Variants in TBCE observed in about 807,000 individuals in gnomAD.
TBCE encodes the protein tubulin folding cofactor E.
Under a neutral mutation model 77.0 loss-of-function variants are expected in TBCE, and 53 were observed. That is an observed-to-expected ratio of 0.69 (90% CI 0.55 to 0.87). The LOEUF (loss-of-function observed/expected upper bound fraction) is 0.87. Among genes scored for constraint, TBCE ranks in the 40% least tolerant of loss-of-function variants. The pLI is 0.00. For synonymous variants in TBCE, 235 were observed against 241.3 expected, an observed-to-expected ratio of 0.97 and a Z score of 0.24; for missense variants, 624 against 622.4, an observed-to-expected ratio of 1.00 and a Z score of -0.03.
At chr1:235,372,752 G>A (rs1004526522) in intron 1 of TBCE, among the ~76,000 whole-genome samples, 24 of 151,650 alleles carry the variant, frequency 1.6e-4, no homozygotes, top group Non-Finnish European at 3.2e-4. Context: ...GTGAAACCAC[G>A]TCTCTACTAA....
At chr1:235,399,201 C>T (rs1476161126) in intron 2 of TBCE, among the ~76,000 whole-genome samples, 1 of 151,028 alleles carries the variant, frequency 6.6e-6, no homozygotes, top group Non-Finnish European at 1.5e-5. Context: ...GCAATCCACC[C>T]GCCTTCACCT....
chr1:235,424,322 CTT>C (rs1160280902), intron 5 of TBCE, among the ~76,000 whole-genome samples: 7 of 123,754 alleles, frequency 5.7e-5, no homozygotes, highest in Admixed American at 8.3e-5. Flanking sequence ...TCTTAGAGCT[CTT>C]TTTTTTTTTT....
At chr1:235,440,095 C>T (rs949377640) in intron 13 of TBCE, among the ~76,000 whole-genome samples, 4 of 151,494 alleles carry the variant, frequency 2.6e-5, no homozygotes, top group South Asian at 2.1e-4. Flanking sequence ...CTCAGCCTCC[C>T]GAGTGGCTGG....
Position 235,450,237 on chromosome 1 carries a change from C to T in TBCE, c.*1475C>T. The T allele has an allele frequency of 6.2e-7, 1 of 1,614,140 alleles. No homozygotes were observed. Among genetic ancestry groups the T allele is most frequent in the Non-Finnish European group, 8.5e-7 (1 of 1,180,018 alleles). On this transcript the variant is annotated 3_prime_UTR_variant, in exon 17 of 17. Transcript: ENST00000642610. ...TGCTTGACATCGACAAGGATCACCG[C>T]ACCGTTCCTTCAGTTTCCACAGTTC...
intron 2 of TBCE, among the ~76,000 whole-genome samples, chr1:235,393,755 A>G (rs1016021688): frequency 6.6e-6 from 1 of 152,184 alleles, no homozygotes; most frequent in Admixed American, 6.6e-5. Flanking sequence ...TTTCAGAAGA[A>G]TCATGCTTTT....
chr1:235,440,488 G>A (rs1482556308), intron 13 of TBCE, among the ~76,000 whole-genome samples: 1 of 151,968 alleles, frequency 6.6e-6, no homozygotes. Context: ...TACCTCCTGG[G>A]TTCAAGTGAT....
intron 6 of TBCE, 121 bp from the exon 7 acceptor site, chr1:235,430,580 TTCCA>T: frequency 1.5e-6 from 1 of 675,740 alleles, no homozygotes; most frequent in Non-Finnish European, 2.6e-6. Context: ...TAAAATATAA[TTCCA>T]TTTTAAGATT....
Position 235,430,794 on chromosome 1 carries a change from C to T in TBCE, c.650C>T (p.Thr217Met), listed in dbSNP as rs563482935. Residue 217 changes from threonine (T) to methionine (M), a missense_variant, in exon 7 of 17, where the codon ACG becomes ATG. Transcript: ENST00000642610. ...TTAGTCCTCAATCAAACAGGAATAA[C>T]GTGGGCTGAGGTAATCATATTTCTT... ...KVLVLNQTGI[T>M]WAEVLRCVAG... The T allele has an allele frequency of 7.9e-5, 128 of 1,612,854 alleles. 1 individual carries two copies. The South Asian group carries it at 1.1e-3, about 14-fold the overall frequency.
intron 2 of TBCE, among the ~76,000 whole-genome samples, chr1:235,392,116 G>A (rs561574145): frequency 6.6e-6 from 1 of 151,970 alleles, no homozygotes; most frequent in East Asian, 1.9e-4. Context: ...GAGCTCAGGA[G>A]TTTGAGACCA....
intron 15 of TBCE, among the ~76,000 whole-genome samples, chr1:235,443,336 G>T (rs1371848160): frequency 2.0e-5 from 3 of 152,006 alleles, no homozygotes; most frequent in South Asian, 2.1e-4. Context: ...ACGTAGCTGG[G>T]ACTACACGTG....
At position 235,449,921 on chromosome 1, in the gene TBCE, C is replaced by A; in HGVS notation, c.*1159C>A. 1 of 275,132 alleles carries A rather than the reference C, an allele frequency of 3.6e-6. No individual in the cohort carries two copies. Among genetic ancestry groups the A allele is most frequent in the Non-Finnish European group, 7.0e-6 (1 of 143,142 alleles). The allele number at this position is 275,132 out of a possible 1,614,324, so 17.0% of individuals were successfully genotyped here. ...GGTGAATTACTAATTAGCCACAATG[C>A]ATCAGGATTTAGAAATATTTTTTCT... is the stretch of plus-strand genomic sequence containing the variant. On this transcript the variant is annotated 3_prime_UTR_variant, in exon 17 of 17. Coordinates refer to ENST00000642610, the MANE Select transcript of TBCE (RefSeq NM_003193.5).
At chr1:235,391,303 G>A (rs552650229) in intron 2 of TBCE, among the ~76,000 whole-genome samples, 5 of 151,946 alleles carry the variant, frequency 3.3e-5, no homozygotes, top group African/African-American at 9.6e-5. Flanking sequence ...GCAACATGGC[G>A]AAACCCTGTC....
At chr1:235,407,267 G>C (rs1226306170) in intron 3 of TBCE, among the ~76,000 whole-genome samples, 1 of 147,086 alleles carries the variant, frequency 6.8e-6, no homozygotes, top group Non-Finnish European at 1.5e-5. Flanking sequence ...TGATTTTTTT[G>C]TAGAGATGGA....
chr1:235,435,108 T>G (rs1681358942), intron 8 of TBCE, among the ~76,000 whole-genome samples: 1 of 106,438 alleles, frequency 9.4e-6, no homozygotes, highest in Non-Finnish European at 1.9e-5. Flanking sequence ...TTTTGTTTTG[T>G]TTTTTTTTTG....
intron 1 of TBCE, 68 bp downstream of exon 1, chr1:235,367,572 T>C (rs1425535507): frequency 1.3e-5 from 2 of 152,720 alleles, no homozygotes; most frequent in African/African-American, 4.8e-5. Flanking sequence ...CCTGCAGTGC[T>C]CTTGGCCTTT....
chr1:235,414,419 CTCT>C lies in TBCE; in HGVS notation c.186-9_186-7del. 2 of 1,612,828 alleles carry C rather than the reference CTCT, an allele frequency of 1.2e-6. No homozygotes were observed. Among genetic ancestry groups the C allele is most frequent in the South Asian group, 1.1e-5 (1 of 91,022 alleles). ...GGTAATATTTTCTGTGTTTCATTTG[CTCT>C]TCTTTACCAGGCACCCGACAGGAGG... is the stretch of plus-strand genomic sequence containing the variant. On this transcript the variant is annotated splice_polypyrimidine_tract_variant and intron_variant, in intron 3 of 16. Coordinates refer to ENST00000642610, the MANE Select transcript of TBCE (RefSeq NM_003193.5).
At chr1:235,427,364 G>T (rs1680784726) in intron 6 of TBCE, 125 bp downstream of exon 6, 4 of 738,272 alleles carry the variant, frequency 5.4e-6, no homozygotes, top group Non-Finnish European at 9.6e-6. Context: ...GATGATACAG[G>T]AGTTAAGAAG....
At position 235,388,348 on chromosome 1, in the gene TBCE, G is replaced by A. The variant is rs186351246; in HGVS notation, c.100+8199G>A. ...TTGTTGCCCAGGCTGGAGTGCAATG[G>A]CATGATCTTGGCTCACTGCAACCTC... On this transcript the variant is annotated intron_variant, in intron 2 of 16. Coordinates refer to ENST00000642610, the MANE Select transcript of TBCE (RefSeq NM_003193.5). Among the ~76,000 whole-genome samples the A allele has an allele frequency of 2.5e-3, 376 of 148,338 alleles. 2 individuals carry two copies. In the Middle Eastern group the frequency reaches 0.027, roughly 11 times the overall value.
Position 235,449,858 on chromosome 1 carries a change from T to C in TBCE, c.*1096T>C, listed in dbSNP as rs1682786777. 1.0e-5 allele frequency: 2 copies of C among 195,308 alleles called. No individual in the cohort carries two copies. Among genetic ancestry groups the C allele is most frequent in the South Asian group, 1.9e-4 (2 of 10,706 alleles). 12.1% of individuals were successfully genotyped at this position (195,308 alleles called of 1,614,324 possible). Reference sequence around the variant, plus strand: ...ACTCTCAGTTACTACTACAGATTTCTGAACTAGGCCAAGTTTTAACCAAAA... The same window carrying C: ...ACTCTCAGTTACTACTACAGATTTCCGAACTAGGCCAAGTTTTAACCAAAA... On this transcript the variant is annotated 3_prime_UTR_variant, in exon 17 of 17. Coordinates refer to ENST00000642610, the MANE Select transcript of TBCE (RefSeq NM_003193.5).
Sources: allele counts gnomAD v4.1 joint callset (sites outside exome capture counted in the v4.1 genomes callset), GRCh38; gene constraint gnomAD v4.1.1; transcripts MANE v1.5; gene names NCBI Gene and HGNC (gene_info 2026-07-23, HGNC 2026-07-21).